The following KLHL20 variants were observed in gnomAD, a reference collection of about 807,000 sequenced individuals.
The protein encoded by KLHL20 is kelch like family member 20, also known as kelch-like protein 20.
A neutral mutation model predicts 69.5 loss-of-function variants in KLHL20; 29 were observed. That is an observed-to-expected ratio of 0.42 (90% CI 0.31 to 0.57). The LOEUF (loss-of-function observed/expected upper bound fraction) is 0.57, where lower values mean the gene tolerates loss of function less well. Among genes scored for constraint, KLHL20 ranks in the 20% least tolerant of loss-of-function variants. KLHL20 has a pLI of 0.18. For synonymous variants in KLHL20, 253 were observed against 265.2 expected (o/e 0.95, Z 0.45); for missense variants, 419 against 776.0 (o/e 0.54, Z 5.47).
At position 173,765,457 on chromosome 1, in the gene KLHL20, C is replaced by T. The variant is rs1333598382; in HGVS notation, c.1152-689C>T. Among the ~76,000 whole-genome samples the T allele has an allele frequency of 4.0e-5, 6 of 151,734 alleles. No homozygotes were observed. The South Asian group carries it at 6.2e-4, about 16-fold the overall frequency. ...GGCGGAGCTTGCAGTGAGCCAAGAT[C>T]GTGCCACTGTACTCCAGCCTGCGCA... is the stretch of plus-strand genomic sequence containing the variant. On this transcript the variant is annotated intron_variant, in intron 7 of 11. Transcript: ENST00000209884.
chr1:173,724,373 A>G (rs1671856853), intron 2 of KLHL20, among the ~76,000 whole-genome samples: 1 of 152,074 alleles, frequency 6.6e-6, no homozygotes, highest in African/African-American at 2.4e-5. Context: ...TTATTCATGT[A>G]TCTCCTCCTC....
At chr1:173,781,409 A>G (rs1648867486) in intron 10 of KLHL20, among the ~76,000 whole-genome samples, 1 of 151,970 alleles carries the variant, frequency 6.6e-6, no homozygotes, top group Non-Finnish European at 1.5e-5. Flanking sequence ...TCGACCTTTC[A>G]GGCTCAAGCA....
chr1:173,733,833 C>G lies in KLHL20; in HGVS notation c.144C>G (p.Asp48Glu). 6 of 1,614,122 alleles carry G rather than the reference C, an allele frequency of 3.7e-6. No individual in the cohort carries two copies. Among genetic ancestry groups the G allele is most frequent in the Non-Finnish European group, 5.1e-6 (6 of 1,180,034 alleles). Residue 48 changes from aspartate to glutamate, a missense_variant, in exon 3 of 12, where the codon GAC (aspartate) becomes GAG (glutamate). Asp to Glu is a conservative substitution (Grantham distance 45, BLOSUM62 2). Around this residue, in one of 6 missense-constraint regions of KLHL20, gnomAD observed 129 missense variants for 183.6 expected, o/e 0.70. Coordinates refer to ENST00000209884, the MANE Select transcript of KLHL20 (RefSeq NM_014458.4). The stretch of plus-strand genomic sequence containing the variant: ...CTGCCCGCATGCCCTATATCTCAGA[C>G]AAGCACCCTCGACAAACCTTGGAAG... ...PQPARMPYISDKHPRQTLEVI... is the reference protein window; with the variant it reads ...PQPARMPYISEKHPRQTLEVI...
intron 7 of KLHL20, among the ~76,000 whole-genome samples, chr1:173,761,532 G>A (rs187875610): frequency 6.6e-6 from 1 of 152,218 alleles, no homozygotes; most frequent in Non-Finnish European, 1.5e-5. Context: ...ATTATATCAA[G>A]CACTCACTCA....
At chr1:173,735,231 A>G (rs753307391) in intron 3 of KLHL20, among the ~76,000 whole-genome samples, 5 of 152,176 alleles carry the variant, frequency 3.3e-5, no homozygotes, top group African/African-American at 7.2e-5. Flanking sequence ...AGATTGCATG[A>G]GCTCAGGAGT....
chr1:173,734,740 T>C (rs1672446010), intron 3 of KLHL20, among the ~76,000 whole-genome samples: 1 of 152,182 alleles, frequency 6.6e-6, no homozygotes, highest in Admixed American at 6.6e-5. Context: ...ATTAAACCTA[T>C]CTTTCCCTTA....
At chr1:173,776,725 G>A (rs769477801) in intron 10 of KLHL20, among the ~76,000 whole-genome samples, 1 of 152,074 alleles carries the variant, frequency 6.6e-6, no homozygotes, top group African/African-American at 2.4e-5. Context: ...AAAACAGTTC[G>A]CTGTAGATGT....
intron 9 of KLHL20, among the ~76,000 whole-genome samples, chr1:173,775,085 ATAAG>A (rs1648371391): frequency 6.6e-6 from 1 of 152,188 alleles, no homozygotes; most frequent in African/African-American, 2.4e-5. Flanking sequence ...TGCTGGAATT[ATAAG>A]TGTGAGCCAC....
chr1:173,762,769 T>C (rs1429003594), intron 7 of KLHL20, among the ~76,000 whole-genome samples: 1 of 152,132 alleles, frequency 6.6e-6, no homozygotes, highest in African/African-American at 2.4e-5. Context: ...ACAGCCAACA[T>C]ACTGAATGGG....
At chr1:173,759,563 C>A (rs1157722593) in intron 7 of KLHL20, among the ~76,000 whole-genome samples, 1 of 152,168 alleles carries the variant, frequency 6.6e-6, no homozygotes, top group Non-Finnish European at 1.5e-5. Flanking sequence ...GTGCAGACAT[C>A]CCCTACTACC....
chr1:173,762,113 A>G (rs1238095715), intron 7 of KLHL20, among the ~76,000 whole-genome samples: 3 of 152,170 alleles, frequency 2.0e-5, no homozygotes, highest in Non-Finnish European at 1.5e-5. Flanking sequence ...TATAAACTAG[A>G]AAACCTAGAA....
intron 7 of KLHL20, 141 bp downstream of exon 7, chr1:173,757,300 A>G: frequency 4.1e-6 from 3 of 735,700 alleles, no homozygotes; most frequent in Non-Finnish European, 6.5e-6. Context: ...AGTATGATAC[A>G]CAAATTCTTT....
chr1:173,725,323 A>G (rs1671904336), intron 2 of KLHL20, among the ~76,000 whole-genome samples: 1 of 152,216 alleles, frequency 6.6e-6, no homozygotes, highest in Admixed American at 6.5e-5. Context: ...TGCTACTGAA[A>G]GCTTCTTGAT....
At chr1:173,774,998 A>G (rs1363303446) in intron 9 of KLHL20, among the ~76,000 whole-genome samples, 2 of 151,908 alleles carry the variant, frequency 1.3e-5, no homozygotes, top group Non-Finnish European at 2.9e-5. Context: ...TTTAGTAGAG[A>G]TGGGGTTTCG....
At chr1:173,770,296 A>C (rs1648001914) in intron 8 of KLHL20, among the ~76,000 whole-genome samples, 1 of 152,240 alleles carries the variant, frequency 6.6e-6, no homozygotes, top group Admixed American at 6.5e-5. Context: ...GAAATGTATT[A>C]GAAATGAAAG....
In KLHL20 at chr1:173,752,033, C is replaced by T. The variant is rs112523660; in HGVS notation, c.756+111C>T. ...CAGGTGGATCACAAGGTCAAGAGAT[C>T]GAGACCATCCTGGCCAACATGGTGA... On this transcript the variant is annotated intron_variant, in intron 4 of 11. Transcript: ENST00000209884. 808 of 933,348 alleles carry T rather than the reference C, an allele frequency of 8.7e-4. 6 individuals carry two copies. The African/African-American group carries it at 0.012, about 13-fold the overall frequency. The allele number at this position is 933,348 out of a possible 1,614,324, so 57.8% of individuals were successfully genotyped here.
intron 2 of KLHL20, among the ~76,000 whole-genome samples, chr1:173,722,461 A>G (rs1351092496): frequency 6.6e-6 from 1 of 151,830 alleles, no homozygotes; most frequent in African/African-American, 2.4e-5. Context: ...GTCTCTACCA[A>G]AAAATTAAAA....
chr1:173,778,114 G>A (rs937762832), intron 10 of KLHL20, among the ~76,000 whole-genome samples: 2 of 151,536 alleles, frequency 1.3e-5, no homozygotes, highest in Admixed American at 6.6e-5. Flanking sequence ...TGTGCACAAA[G>A]TGCAGGTTTG....
intron 2 of KLHL20, among the ~76,000 whole-genome samples, chr1:173,722,987 G>A (rs1354156418): frequency 1.3e-5 from 2 of 152,114 alleles, no homozygotes; most frequent in Non-Finnish European, 1.5e-5. Context: ...ACCGCGCCTG[G>A]CACTATGGTA....
Sources: gnomAD v4.1 joint callset for allele counts (sites outside exome capture counted in the v4.1 genomes callset) on GRCh38, gnomAD v4.1.1 for gene constraint, gnomAD v4.1.1 regional missense constraint, MANE v1.5 for transcripts, NCBI Gene and HGNC (gene_info 2026-07-23, HGNC 2026-07-21) for gene names.